The following DOCK7 variants were observed in gnomAD, a reference collection of about 807,000 sequenced individuals.
DOCK7 encodes dedicator of cytokinesis protein 7.
DOCK7 carries 138 observed loss-of-function variants against 271.0 expected under a neutral mutation model. The ratio of observed to expected loss-of-function variants is 0.51; its 90% CI spans 0.44 to 0.59. The LOEUF is 0.59. Among genes scored for constraint, DOCK7 ranks in the 20% least tolerant of loss-of-function variants. DOCK7 has a pLI of 0.00. For synonymous variants in DOCK7, 823 were observed against 876.1 expected (o/e 0.94, Z 1.07); for missense variants, 2,066 against 2,592.4 (o/e 0.80, Z 4.41).
At position 62,552,746 on chromosome 1, in the gene DOCK7, T is replaced by G. The variant is rs757257207; in HGVS notation, c.2752A>C (p.Ile918Leu). The change falls in exon 22 of 50, where the codon ATC becomes CTC. Residue 918 changes from isoleucine to leucine, a missense_variant. By Grantham distance (5) the Ile-to-Leu change is conservative. Around this residue, in one of 2 missense-constraint regions of DOCK7, gnomAD observed 1,414 missense variants for 1,670.4 expected, o/e 0.85. Transcript: ENST00000635253. Reference sequence around the variant, plus strand: ...CTTCAGTTTACCTTACTCCCGATGATTGATCGAACTTCATCATCTGGTGAC... The same window carrying G: ...CTTCAGTTTACCTTACTCCCGATGAGTGATCGAACTTCATCATCTGGTGAC... The part of the protein sequence containing the change: ...PTSPDDEVRS[I>L]IGSKGLDRSN... 6.2e-7 allele frequency: 1 copy of G among 1,611,696 alleles called. No homozygotes were observed. Among genetic ancestry groups the G allele is most frequent in the Admixed American group, 1.7e-5 (1 of 59,732 alleles).
chr1:62,577,641 G>T (rs533698481), intron 17 of DOCK7, among the ~76,000 whole-genome samples: 44 of 152,168 alleles, frequency 2.9e-4, no homozygotes, highest in African/African-American at 1.1e-3. Flanking sequence ...TTAGAAAAAA[G>T]CCATGAAGTA....
chr1:62,588,121 C>G (rs1431026342), intron 14 of DOCK7, among the ~76,000 whole-genome samples: 3 of 152,140 alleles, frequency 2.0e-5, no homozygotes, highest in Non-Finnish European at 1.5e-5. Flanking sequence ...GACTGGTCAG[C>G]TTGCTAGTCT....
intron 14 of DOCK7, among the ~76,000 whole-genome samples, chr1:62,592,681 CAA>C (rs1648629397): frequency 6.6e-6 from 1 of 152,018 alleles, no homozygotes; most frequent in Non-Finnish European, 1.5e-5. Flanking sequence ...GCAAAGACGG[CAA>C]CAGAGATGGC....
At chr1:62,470,235 T>A (rs1398223841) in intron 48 of DOCK7, among the ~76,000 whole-genome samples, 1 of 152,080 alleles carries the variant, frequency 6.6e-6, no homozygotes, top group Non-Finnish European at 1.5e-5. Context: ...TACTCAGCCA[T>A]AAAAAGGAAT....
At position 62,505,739 on chromosome 1, in the gene DOCK7, G is replaced by A. The variant is rs759866915; in HGVS notation, c.4554C>T (p.Asn1518=). 1.9e-6 allele frequency: 3 copies of A among 1,613,318 alleles called. No homozygotes were observed. The highest frequency in any genetic ancestry group is 2.5e-6 in the Non-Finnish European group (3 of 1,179,712). The stretch of plus-strand genomic sequence containing the variant: ...AGTGTTGTAGATAAACTGCACTTTG[G>A]TTACAGGCCATGCTGTGTAGTAGCA... The part of the protein sequence containing the change: ...LKVLLHSMAC[N]QSAVYLQHCF... The change falls in exon 36 of 50, where the codon AAC becomes AAT. Residue 1518 remains asparagine, a synonymous_variant. Coordinates refer to ENST00000635253, the MANE Select transcript of DOCK7 (RefSeq NM_001367561.1).
intron 35 of DOCK7, among the ~76,000 whole-genome samples, chr1:62,506,269 A>T (rs1045862631): frequency 6.6e-6 from 1 of 152,138 alleles, no homozygotes; most frequent in Non-Finnish European, 1.5e-5. Context: ...GGCTACAGAG[A>T]GAGGTGAACA....
In DOCK7 at chr1:62,653,797, T is replaced by C; in HGVS notation, c.321-4A>G. 1.3e-6 allele frequency: 2 copies of C among 1,584,830 alleles called. No individual in the cohort carries two copies. The highest frequency in any genetic ancestry group is 1.7e-6 in the Non-Finnish European group (2 of 1,155,056). The stretch of plus-strand genomic sequence containing the variant: ...TCTAACATGTGGATCCATTTCACTA[T>C]TTTAAAAAGGAAAATACATTTGTAA... On this transcript the variant is annotated splice_region_variant and splice_polypyrimidine_tract_variant and intron_variant, in intron 3 of 49. Transcript: ENST00000635253.
At chr1:62,633,385 T>C (rs1194582423) in intron 10 of DOCK7, 113 bp downstream of exon 10, 2 of 763,612 alleles carry the variant, frequency 2.6e-6, no homozygotes, top group Admixed American at 2.5e-5. Flanking sequence ...ATATGCTTTG[T>C]TGCATATTAA....
chr1:62,547,827 AG>A, intron 22 of DOCK7, among the ~76,000 whole-genome samples: 1 of 152,324 alleles, frequency 6.6e-6, no homozygotes, highest in Middle Eastern at 3.4e-3. Flanking sequence ...GAGTAATAAA[AG>A]CCTGTTCAGG....
chr1:62,566,271 G>A (rs1388933206), intron 18 of DOCK7, among the ~76,000 whole-genome samples: 2 of 152,100 alleles, frequency 1.3e-5, no homozygotes, highest in Non-Finnish European at 1.5e-5. Flanking sequence ...AAAGCTGGAG[G>A]CATCACACTA....
At position 62,460,604 on chromosome 1, in the gene DOCK7, A is replaced by AACACACACAC. The variant is rs57641890; in HGVS notation, c.6213-2909_6213-2900dup. ...GCAGAAAACTTGTGCCAATGTATTG[A>AACACACACAC]ACACACACACACACACACACACACA... On this transcript the variant is annotated intron_variant, in intron 48 of 49. Coordinates refer to ENST00000635253, the MANE Select transcript of DOCK7 (RefSeq NM_001367561.1). Among the ~76,000 whole-genome samples, 309 of 149,012 alleles carry AACACACACAC rather than the reference A, an allele frequency of 2.1e-3. 1 individual carries two copies. Among genetic ancestry groups the AACACACACAC allele is most frequent in the African/African-American group, 7.4e-3 (300 of 40,380 alleles).
chr1:62,540,518 CATTCCAAAGCTCCCA>C (rs1212491181), intron 25 of DOCK7, among the ~76,000 whole-genome samples: 2 of 152,100 alleles, frequency 1.3e-5, no homozygotes, highest in Non-Finnish European at 2.9e-5. Flanking sequence ...ATAATTTTGC[CATTCCAAAGCTCCCA>C]AATTCTAAGC....
At chr1:62,563,425 C>G (rs1341915636) in intron 18 of DOCK7, among the ~76,000 whole-genome samples, 1 of 151,974 alleles carries the variant, frequency 6.6e-6, no homozygotes, top group Non-Finnish European at 1.5e-5. Flanking sequence ...GACATAGATG[C>G]TAGATAGACC....
chr1:62,667,276 T>C (rs1045955545), intron 1 of DOCK7, among the ~76,000 whole-genome samples: 5 of 152,076 alleles, frequency 3.3e-5, no homozygotes, highest in Admixed American at 6.6e-5. Context: ...ACAAAAAAAA[T>C]AGCTGGAATG....
chr1:62,522,778 GTTA>G (rs1389595719), intron 31 of DOCK7, among the ~76,000 whole-genome samples: 1 of 151,810 alleles, frequency 6.6e-6, no homozygotes, highest in African/African-American at 2.4e-5. Flanking sequence ...CTACAAATAT[GTTA>G]TTAGTTTATC....
intron 1 of DOCK7, among the ~76,000 whole-genome samples, chr1:62,669,642 T>A (rs1047638798): frequency 6.6e-6 from 1 of 152,256 alleles, no homozygotes; most frequent in African/African-American, 2.4e-5. Flanking sequence ...TCAAATTGTT[T>A]TGAAATCTGT....
chr1:62,603,930 A>C (rs752888283), intron 14 of DOCK7: 35 of 1,599,408 alleles, frequency 2.2e-5, no homozygotes, highest in Non-Finnish European at 2.8e-5. Flanking sequence ...TCCAACCTGT[A>C]CTTAATAACT....
chr1:62,680,189 A>C (rs372648714), intron 1 of DOCK7, among the ~76,000 whole-genome samples: 5 of 152,042 alleles, frequency 3.3e-5, no homozygotes, highest in African/African-American at 1.2e-4. Context: ...CCAAAACAGA[A>C]ATATAGACCA....
rs1236283239 is a variant in DOCK7 at position 62,604,190 on chromosome 1, G to A, written c.1682+14516C>T. 6.2e-7 allele frequency: 1 copy of A among 1,613,142 alleles called. No homozygotes were observed. The highest frequency in any genetic ancestry group is 8.5e-7 in the Non-Finnish European group (1 of 1,179,440). On this transcript the variant is annotated intron_variant, in intron 14 of 49. Transcript: ENST00000635253. ...CAAAGATTTGGTGTTTTCTACTTGG[G>A]ATCACAAAGCAAAAGGACACTTCAA...
Sources: allele counts gnomAD v4.1 joint callset (sites outside exome capture counted in the v4.1 genomes callset), GRCh38; gene constraint gnomAD v4.1.1; regional missense constraint gnomAD v4.1.1; transcripts MANE v1.5; gene names NCBI Gene and HGNC (gene_info 2026-07-23, HGNC 2026-07-21).